Variants in IL1R1 observed in about 807,000 individuals in gnomAD.
IL1R1 encodes the protein interleukin-1 receptor type 1.
In IL1R1, 22 loss-of-function variants were observed where a neutral mutation model predicts 50.2. The ratio of observed to expected loss-of-function variants is 0.44; its 90% CI spans 0.31 to 0.63. The LOEUF (loss-of-function observed/expected upper bound fraction) is 0.63. Ranked by LOEUF, IL1R1 falls within the 20% of genes least tolerant of loss-of-function variation. The pLI, the probability that IL1R1 is intolerant of heterozygous loss-of-function variation, is 0.07. For missense variants in IL1R1, 509 were observed against 676.2 expected, an observed-to-expected ratio of 0.75 and a Z score of 2.74; for synonymous variants, 251 against 236.7, an observed-to-expected ratio of 1.06 and a Z score of -0.55.
At chr2:102,108,379 G>A (rs1165043046) in intron 1 of IL1R1, among the ~76,000 whole-genome samples, 2 of 151,958 alleles carry the variant, frequency 1.3e-5, no homozygotes, top group African/African-American at 4.8e-5. Flanking sequence ...TTCCATTCTT[G>A]TACAGGAAAA....
At chr2:102,156,555 A>G (rs1359754667) in intron 2 of IL1R1, among the ~76,000 whole-genome samples, 2 of 151,408 alleles carry the variant, frequency 1.3e-5, no homozygotes, top group Non-Finnish European at 2.9e-5. Context: ...TCTGTCACTC[A>G]GGCTGGAGTG....
chr2:102,094,904 C>T (rs1041890961), intron 1 of IL1R1, among the ~76,000 whole-genome samples: 1 of 151,938 alleles, frequency 6.6e-6, no homozygotes, highest in East Asian at 1.9e-4. Flanking sequence ...AGACTAATCA[C>T]TAGTAACAGA....
chr2:102,117,972 T>C (rs1330217358), intron 1 of IL1R1, among the ~76,000 whole-genome samples: 1 of 150,166 alleles, frequency 6.7e-6, no homozygotes, highest in African/African-American at 2.4e-5. Context: ...TATATATATA[T>C]ACACATATAA....
intron 3 of IL1R1, 134 bp from the exon 4 acceptor site, chr2:102,164,640 C>T: frequency 1.6e-6 from 1 of 641,488 alleles, no homozygotes; most frequent in Non-Finnish European, 2.7e-6. Flanking sequence ...ATGATCTTAT[C>T]ACAAGGCTGT....
intron 1 of IL1R1, among the ~76,000 whole-genome samples, chr2:102,110,778 T>C (rs1680713205): frequency 1.3e-5 from 2 of 151,988 alleles, no homozygotes; most frequent in Admixed American, 1.3e-4. Flanking sequence ...TGTCCAGTCA[T>C]GGGATGGCAC....
At chr2:102,114,435 C>T (rs1286957695) in intron 1 of IL1R1, among the ~76,000 whole-genome samples, 2 of 152,136 alleles carry the variant, frequency 1.3e-5, no homozygotes, top group Non-Finnish European at 2.9e-5. Flanking sequence ...TTATTGTCAA[C>T]AGTGAAGGAA....
chr2:102,095,107 G>T (rs377731220), intron 1 of IL1R1, among the ~76,000 whole-genome samples: 1 of 152,120 alleles, frequency 6.6e-6, no homozygotes, highest in Non-Finnish European at 1.5e-5. Flanking sequence ...TTCAGCTTTA[G>T]GCCCCTCCCC....
At chr2:102,172,203 C>T (rs1033106000) in intron 8 of IL1R1, 266 of 838,326 alleles carry the variant, frequency 3.2e-4, no homozygotes, top group Non-Finnish European at 3.6e-4. Flanking sequence ...TTTCATTATT[C>T]TTCATATTCC....
chr2:102,175,852 T>C (rs1686083880), intron 11 of IL1R1: 3 of 619,374 alleles, frequency 4.8e-6, no homozygotes, highest in Non-Finnish European at 8.5e-6. Context: ...GTGATTTTCA[T>C]TTAGTTTTGA....
chr2:102,131,373 G>GATA (rs1179964561), intron 1 of IL1R1, among the ~76,000 whole-genome samples: 2 of 152,194 alleles, frequency 1.3e-5, no homozygotes, highest in Non-Finnish European at 2.9e-5. Flanking sequence ...AAATAAGGAT[G>GATA]ATAATAATGC....
chr2:102,108,075 CA>C (rs913842006), intron 1 of IL1R1, among the ~76,000 whole-genome samples: 8 of 151,984 alleles, frequency 5.3e-5, no homozygotes, highest in Non-Finnish European at 7.4e-5. Context: ...AGAGGAAAAG[CA>C]AAAATGCAAA....
intron 1 of IL1R1, among the ~76,000 whole-genome samples, chr2:102,109,043 G>A (rs114079368): frequency 0.013 from 1,963 of 151,780 alleles, 56 homozygotes; most frequent in South Asian, 0.12. Flanking sequence ...TTTAGGTACC[G>A]CTCATATAAA....
intron 7 of IL1R1, among the ~76,000 whole-genome samples, chr2:102,170,366 A>C (rs1175384760): frequency 6.6e-6 from 1 of 152,244 alleles, no homozygotes; most frequent in Non-Finnish European, 1.5e-5. Flanking sequence ...AAAGATGCCC[A>C]TGTAACCACT....
At chr2:102,148,761 A>G (rs565824715) in intron 1 of IL1R1, among the ~76,000 whole-genome samples, 1 of 152,244 alleles carries the variant, frequency 6.6e-6, no homozygotes, top group African/African-American at 2.4e-5. Context: ...GTGTGGTTCT[A>G]TGGCTTTGTA....
chr2:102,159,925 T>G lies in IL1R1; in HGVS notation c.61+2140T>G, dbSNP rs77767746. Among the ~76,000 whole-genome samples the G allele has an allele frequency of 0.013, 2,055 of 152,272 alleles. 67 individuals are homozygous for G. The South Asian group carries it at 0.14, about 10-fold the overall frequency. On this transcript the variant is annotated intron_variant, in intron 3 of 11. Transcript: ENST00000410023. The stretch of plus-strand genomic sequence containing the variant: ...CCCTGCTGATCCGTGATTTGGCATG[T>G]TTCTGTTTGTTTCCTTATTTTCTAG...
At chr2:102,149,912 G>A (rs1577966758) in intron 1 of IL1R1, among the ~76,000 whole-genome samples, 1 of 152,140 alleles carries the variant, frequency 6.6e-6, no homozygotes, top group African/African-American at 2.4e-5. Context: ...GACAGACATG[G>A]AATACCAGGT....
chr2:102,128,451 G>GATCATCTCT (rs1194394530), intron 1 of IL1R1, among the ~76,000 whole-genome samples: 3 of 152,176 alleles, frequency 2.0e-5, no homozygotes, highest in Admixed American at 2.0e-4. Context: ...GGCAGGTAAT[G>GATCATCTCT]ATCATCTCTA....
upstream of IL1R1, among the ~76,000 whole-genome samples, chr2:102,138,351 A>T (rs1263824543): frequency 6.6e-6 from 1 of 152,246 alleles, no homozygotes; most frequent in East Asian, 1.9e-4. Flanking sequence ...TTCACTGAGC[A>T]AGATTCAAGC....
At chr2:102,174,805 A>C in intron 10 of IL1R1, 75 bp downstream of exon 10, 1 of 1,278,896 alleles carries the variant, frequency 7.8e-7, no homozygotes, top group Non-Finnish European at 1.1e-6. Context: ...GATGACTAAG[A>C]GGGTTTTTAC....
Sources: gnomAD v4.1 joint callset for allele counts (sites outside exome capture counted in the v4.1 genomes callset) on GRCh38, gnomAD v4.1.1 for gene constraint, MANE v1.5 for transcripts, NCBI Gene and HGNC (gene_info 2026-07-23, HGNC 2026-07-21) for gene names.